The following HMGXB4 variants were observed in gnomAD, a reference collection of about 807,000 sequenced individuals.
HMGXB4 encodes HMG-box containing 4.
A neutral mutation model predicts 63.9 loss-of-function variants in HMGXB4; 27 were observed. The observed-to-expected ratio is 0.42, with a 90% confidence interval of 0.31 to 0.58. The LOEUF is 0.58. Ranked by LOEUF, HMGXB4 falls within the 20% of genes least tolerant of loss-of-function variation. The probability of loss-of-function intolerance (pLI) is 0.13; values close to 1 mark genes in which losing one functional copy is unlikely to be tolerated. For missense variants in HMGXB4, 624 were observed against 700.7 expected, an observed-to-expected ratio of 0.89 and a Z score of 1.24; for synonymous variants, 264 against 265.3, an observed-to-expected ratio of 0.99 and a Z score of 0.05.
At chr22:35,248,791 C>T in the HMGXB4 span, among the ~76,000 whole-genome samples, 1 of 95,210 alleles carries the variant, frequency 1.1e-5, no homozygotes, top group Admixed American at 1.0e-4. Context: ...CTAAACCACT[C>T]ATGAAGGATC....
At chr22:35,278,274 C>G (rs1313833678) in intron 5 of HMGXB4, among the ~76,000 whole-genome samples, 2 of 152,160 alleles carry the variant, frequency 1.3e-5, no homozygotes. Context: ...GTCTTGGTTG[C>G]TGTCAAGTTT....
intron 5 of HMGXB4, among the ~76,000 whole-genome samples, chr22:35,277,793 C>T (rs1924001301): frequency 1.3e-5 from 2 of 152,176 alleles, no homozygotes; most frequent in South Asian, 4.1e-4. Context: ...CACAGCCTTC[C>T]ACACTGTCAC....
the HMGXB4 span, among the ~76,000 whole-genome samples, chr22:35,247,014 G>A: frequency 6.6e-6 from 1 of 152,174 alleles, no homozygotes; most frequent in Non-Finnish European, 1.5e-5. Context: ...TCTGTCATCT[G>A]TGTCTTTTCT....
chr22:35,267,922 TA>T (rs1923361259), intron 5 of HMGXB4, among the ~76,000 whole-genome samples: 1 of 152,202 alleles, frequency 6.6e-6, no homozygotes, highest in African/African-American at 2.4e-5. Context: ...TGCATATCAT[TA>T]ACCTGAGTTC....
chr22:35,276,307 C>T (rs1446459740), intron 5 of HMGXB4, among the ~76,000 whole-genome samples: 1 of 152,212 alleles, frequency 6.6e-6, no homozygotes, highest in Non-Finnish European at 1.5e-5. Context: ...AGATTTTTCT[C>T]TCCACCACCA....
At position 35,288,297 on chromosome 22, in the gene HMGXB4, C is replaced by G. The variant is rs1326027661; in HGVS notation, c.1528C>G (p.Pro510Ala). The G allele has an allele frequency of 1.9e-6, 3 of 1,611,624 alleles. No homozygotes were observed. The highest frequency in any genetic ancestry group is 1.1e-5 in the South Asian group (1 of 90,752). The change falls in exon 9 of 11, where the codon CCA (proline) becomes GCA (alanine). Residue 510 changes from proline to alanine, a missense_variant. Physicochemically the swap from Pro to Ala is conservative, Grantham distance 27 (BLOSUM62 -1). Coordinates refer to ENST00000216106, the MANE Select transcript of HMGXB4 (RefSeq NM_001003681.3). ...GTCCCCACCCACCACCATGCTGTTA[C>G]CAGCCTCACCAGCCAAAGCCCCTGA... The part of the protein sequence containing the change: ...KKSPPTTMLL[P>A]ASPAKAPETE...
intron 1 of HMGXB4, among the ~76,000 whole-genome samples, chr22:35,260,246 A>G (rs1369329185): frequency 1.3e-5 from 2 of 152,254 alleles, no homozygotes; most frequent in African/African-American, 4.8e-5. Flanking sequence ...ATTCTTTGCC[A>G]AAATTCATGC....
At chr22:35,282,220 A>G (rs777095530) in intron 5 of HMGXB4, among the ~76,000 whole-genome samples, 1 of 152,210 alleles carries the variant, frequency 6.6e-6, no homozygotes, top group Non-Finnish European at 1.5e-5. Flanking sequence ...TCTGTCGCCC[A>G]GGCTGGAGTG....
chr22:35,293,201 C>A, intron 10 of HMGXB4, 87 bp downstream of exon 10: 2 of 1,434,324 alleles, frequency 1.4e-6, no homozygotes, highest in Non-Finnish European at 2.0e-6. Flanking sequence ...ACACATAAGG[C>A]TTTGTGACAC....
intron 1 of HMGXB4, among the ~76,000 whole-genome samples, chr22:35,258,965 A>G (rs555160538): frequency 2.0e-5 from 3 of 152,312 alleles, no homozygotes; most frequent in Admixed American, 6.5e-5. Context: ...CAGGAGCTCA[A>G]GTTACCTCAA....
At chr22:35,278,737 C>T (rs915012496) in intron 5 of HMGXB4, among the ~76,000 whole-genome samples, 2 of 151,614 alleles carry the variant, frequency 1.3e-5, no homozygotes, top group African/African-American at 4.8e-5. Context: ...CAGCCTCAAA[C>T]TCCTGGGCTC....
chr22:35,285,152 T>G (rs1202362097), intron 6 of HMGXB4, among the ~76,000 whole-genome samples: 2 of 152,218 alleles, frequency 1.3e-5, no homozygotes, highest in Non-Finnish European at 2.9e-5. Flanking sequence ...ATGCCTATAA[T>G]CTCAGCACTT....
chr22:35,262,783 T>A (rs879937367), intron 2 of HMGXB4: 3 of 512,072 alleles, frequency 5.9e-6, no homozygotes, highest in Non-Finnish European at 1.0e-5. Context: ...CAGCCTTTCG[T>A]CTGCAAGTCT....
intron 7 of HMGXB4, chr22:35,286,739 A>G (rs1340188004): frequency 1.3e-5 from 2 of 151,506 alleles, no homozygotes; most frequent in African/African-American, 4.9e-5. Flanking sequence ...AATCCCAGCT[A>G]CTCGCGAGGC....
intron 1 of HMGXB4, among the ~76,000 whole-genome samples, chr22:35,259,355 T>C (rs766129195): frequency 1.3e-5 from 2 of 152,224 alleles, no homozygotes; most frequent in African/African-American, 4.8e-5. Flanking sequence ...TCCCAAATTA[T>C]TGAATTGAGA....
At chr22:35,285,933 C>T in intron 6 of HMGXB4, 64 bp from the exon 7 acceptor site, 1 of 1,246,520 alleles carries the variant, frequency 8.0e-7, no homozygotes, top group East Asian at 2.4e-5. Flanking sequence ...TTGCTTTCAC[C>T]AATCTTCTAT....
the HMGXB4 span, among the ~76,000 whole-genome samples, chr22:35,244,338 G>C: frequency 1.4e-4 from 21 of 150,080 alleles, no homozygotes; most frequent in Admixed American, 1.3e-3. Flanking sequence ...CTGTCGCCCA[G>C]GCTGGAGTAC....
chr22:35,247,389 C>T, the HMGXB4 span, among the ~76,000 whole-genome samples: 2,022 of 152,322 alleles, frequency 0.013, 23 homozygotes, highest in Non-Finnish European at 0.02. Flanking sequence ...TCCAGTCCTT[C>T]AGGTGGCCTT....
At chr22:35,287,551 C>T in intron 8 of HMGXB4, 99 bp downstream of exon 8, 1 of 747,794 alleles carries the variant, frequency 1.3e-6, no homozygotes, top group South Asian at 1.6e-5. Context: ...AGAAGTGGAC[C>T]TTGATTCCCA....
Sources: gnomAD v4.1 joint callset for allele counts (sites outside exome capture counted in the v4.1 genomes callset) on GRCh38, gnomAD v4.1.1 for gene constraint, MANE v1.5 for transcripts, NCBI Gene and HGNC (gene_info 2026-07-23, HGNC 2026-07-21) for gene names.